The following MTREX variants were observed in gnomAD, a reference collection of about 807,000 sequenced individuals.
MTREX encodes Mtr4 exosome RNA helicase, also known as exosome RNA helicase MTR4.
MTREX carries 76 observed loss-of-function variants against 135.4 expected under a neutral mutation model. The ratio of observed to expected loss-of-function variants is 0.56; its 90% CI spans 0.47 to 0.68. The LOEUF (loss-of-function observed/expected upper bound fraction) is 0.68. Ranked by LOEUF, MTREX falls within the 30% of genes least tolerant of loss-of-function variation. The pLI is 0.00. For synonymous variants in MTREX, 404 were observed against 401.6 expected (o/e 1.01, Z -0.07); for missense variants, 920 against 1,262.1 (o/e 0.73, Z 4.11).
chr5:55,420,205 A>C (rs900045612), intron 25 of MTREX, among the ~76,000 whole-genome samples: 1 of 152,198 alleles, frequency 6.6e-6, no homozygotes, highest in African/African-American at 2.4e-5. Flanking sequence ...TTCTAACCTG[A>C]GGCCAGGCTG....
chr5:55,386,107 A>G (rs1750474528), intron 18 of MTREX, among the ~76,000 whole-genome samples: 1 of 152,236 alleles, frequency 6.6e-6, no homozygotes, highest in Non-Finnish European at 1.5e-5. Context: ...CCAGAGGCAG[A>G]GGGAGTATCC....
chr5:55,358,605 T>A lies in MTREX; in HGVS notation c.1566T>A (p.Gly522=). 6.2e-7 allele frequency: 1 copy of A among 1,608,632 alleles called. No homozygotes were observed. The highest frequency in any genetic ancestry group is 8.5e-7 in the Non-Finnish European group (1 of 1,178,312). ...ISSGEYIQMS[G]RAGRRGMDDR... is the part of the protein sequence containing the mutation. The stretch of plus-strand genomic sequence containing the variant: ...CTGGTGAATACATTCAGATGTCTGG[T>A]CGTGCTGGAAGGAGAGGAATGGATG... Residue 522 remains glycine, a synonymous_variant, in exon 15 of 27, where the codon GGT becomes GGA. Coordinates refer to ENST00000230640, the MANE Select transcript of MTREX (RefSeq NM_015360.5).
Position 55,416,040 on chromosome 5 carries a change from G to C in MTREX, c.2879G>C (p.Ser960Thr), listed in dbSNP as rs771363229. The change falls in exon 25 of 27, where the codon AGC (serine) becomes ACC (threonine). Residue 960 changes from serine to threonine, a missense_variant. Ser to Thr is a moderately conservative substitution (Grantham distance 58). This residue lies in a region of MTREX where 467 missense variants were observed against 589.7 expected (regional missense o/e 0.79). Transcript: ENST00000230640. ...GAAATTGATGAGGAAACTTATCTAA[G>C]CTCATTTAAACCTCACTTAATGGAT... ...KLEIDEETYL[S>T]SFKPHLMDVV... 5 of 1,603,504 alleles carry C rather than the reference G, an allele frequency of 3.1e-6. No individual in the cohort carries two copies. The Admixed American group carries it at 8.7e-5, about 28-fold the overall frequency.
intron 19 of MTREX, among the ~76,000 whole-genome samples, chr5:55,394,490 T>C (rs955822035): frequency 6.6e-6 from 1 of 152,126 alleles, no homozygotes; most frequent in African/African-American, 2.4e-5. Context: ...GATGAAACTG[T>C]CCCACCTCAG....
chr5:55,387,707 T>G (rs1173780441), intron 18 of MTREX, among the ~76,000 whole-genome samples: 1 of 152,116 alleles, frequency 6.6e-6, no homozygotes, highest in Non-Finnish European at 1.5e-5. Context: ...TTCTTAACAT[T>G]ATTAGAAACA....
intron 16 of MTREX, 71 bp from the exon 17 acceptor site, chr5:55,378,243 A>G (rs1219520248): frequency 8.2e-6 from 12 of 1,461,600 alleles, no homozygotes; most frequent in Admixed American, 2.6e-5. Flanking sequence ...AATAGAAAAA[A>G]TCCTATGTCT....
At chr5:55,372,377 A>C (rs918518864) in intron 16 of MTREX, among the ~76,000 whole-genome samples, 1 of 152,186 alleles carries the variant, frequency 6.6e-6, no homozygotes, top group Non-Finnish European at 1.5e-5. Context: ...GAGCTCTAGG[A>C]ACAGTCTGTG....
chr5:55,360,541 A>C lies in MTREX; in HGVS notation c.1659+1843A>C, dbSNP rs79590566. On this transcript the variant is annotated intron_variant, in intron 15 of 26. Transcript: ENST00000230640. The stretch of plus-strand genomic sequence containing the variant: ...GAGGAACTGCCAGACTGTTTTCTTT[A>C]GTAGTTGCACCGTTTTACATTCCCA... Among the ~76,000 whole-genome samples the C allele has an allele frequency of 6.3e-3, 963 of 152,180 alleles. 15 individuals carry two copies. Among genetic ancestry groups the C allele is most frequent in the African/African-American group, 0.021 (857 of 41,528 alleles).
rs1183934174 is a variant in MTREX at position 55,345,130 on chromosome 5, C to A, written c.1042C>A (p.Gln348Lys). ...FREDNFNTAM[Q>K]VLRDAGDLAK... is the part of the protein sequence containing the mutation. ...AGAAGATAATTTTAATACTGCAATG[C>A]AAGTGCTTCGAGATGCAGGTGATTT... Residue 348 changes from glutamine to lysine, a missense_variant, in exon 10 of 27, where the codon CAA (glutamine) becomes AAA (lysine). Gln to Lys is a moderately conservative substitution (Grantham distance 53). This residue lies in a region of MTREX where 88 missense variants were observed against 202.5 expected (regional missense o/e 0.43). Coordinates refer to ENST00000230640, the MANE Select transcript of MTREX (RefSeq NM_015360.5). The A allele has an allele frequency of 6.2e-7, 1 of 1,613,478 alleles. No individual in the cohort carries two copies. The highest frequency in any genetic ancestry group is 8.5e-7 in the Non-Finnish European group (1 of 1,179,710).
chr5:55,396,890 G>A (rs546632423), intron 19 of MTREX, among the ~76,000 whole-genome samples: 3 of 152,298 alleles, frequency 2.0e-5, no homozygotes, highest in Non-Finnish European at 4.4e-5. Flanking sequence ...ATTTGATGTC[G>A]ATAATGTGCC....
chr5:55,402,858 G>A (rs28631299), intron 21 of MTREX, among the ~76,000 whole-genome samples: 1 of 63,348 alleles, frequency 1.6e-5, no homozygotes, highest in African/African-American at 4.6e-5. Context: ...ATGTATGTGT[G>A]TGTGTGTGTG....
At chr5:55,381,384 A>G (rs1225822388) in intron 18 of MTREX, among the ~76,000 whole-genome samples, 1 of 152,144 alleles carries the variant, frequency 6.6e-6, no homozygotes, top group Non-Finnish European at 1.5e-5. Context: ...AGCTTTTACA[A>G]TTATAGAGGT....
At chr5:55,400,458 T>C (rs1381053336) in intron 21 of MTREX, 37 bp downstream of exon 21, 1 of 1,342,864 alleles carries the variant, frequency 7.4e-7, no homozygotes, top group African/African-American at 1.5e-5. Flanking sequence ...TAGAATTCTA[T>C]ATGTTTCACT....
At chr5:55,325,845 G>A (rs961135779) in intron 3 of MTREX, among the ~76,000 whole-genome samples, 3 of 152,036 alleles carry the variant, frequency 2.0e-5, no homozygotes, top group Non-Finnish European at 2.9e-5. Context: ...CCTATGTTTA[G>A]CTCTCACTAA....
intron 16 of MTREX, among the ~76,000 whole-genome samples, chr5:55,372,708 C>A (rs1750223115): frequency 6.6e-6 from 1 of 151,966 alleles, no homozygotes; most frequent in East Asian, 1.9e-4. Flanking sequence ...AAAGTTGCAC[C>A]CTTACCTCAC....
chr5:55,414,308 G>C (rs904913112), intron 24 of MTREX, 70 bp downstream of exon 24: 1 of 1,064,574 alleles, frequency 9.4e-7, no homozygotes, highest in African/African-American at 2.1e-5. Context: ...AAACATTTTT[G>C]ATAATCTAAT....
intron 19 of MTREX, among the ~76,000 whole-genome samples, chr5:55,392,118 TTG>T (rs1750579044): frequency 6.6e-6 from 1 of 152,172 alleles, no homozygotes; most frequent in East Asian, 1.9e-4. Flanking sequence ...TGTCACTGGT[TTG>T]TGTTGTCATT....
chr5:55,352,002 T>G (rs770241206), intron 13 of MTREX, among the ~76,000 whole-genome samples: 12 of 151,268 alleles, frequency 7.9e-5, no homozygotes, highest in Non-Finnish European at 1.8e-4. Flanking sequence ...TTTTTTCTTG[T>G]TTTTTGTTTT....
intron 18 of MTREX, among the ~76,000 whole-genome samples, chr5:55,381,211 TG>T (rs1195801079): frequency 2.0e-5 from 3 of 152,162 alleles, no homozygotes; most frequent in Non-Finnish European, 2.9e-5. Context: ...TTGGTTTTAC[TG>T]ATTTTTTTTC....
Sources: allele counts gnomAD v4.1 joint callset (sites outside exome capture counted in the v4.1 genomes callset), GRCh38; gene constraint gnomAD v4.1.1; regional missense constraint gnomAD v4.1.1; transcripts MANE v1.5; gene names NCBI Gene and HGNC (gene_info 2026-07-23, HGNC 2026-07-21).